The following LRRFIP2 variants were observed in gnomAD, a reference collection of about 807,000 sequenced individuals.
The protein encoded by LRRFIP2 is LRR binding FLII interacting protein 2.
Under a neutral mutation model 125.9 loss-of-function variants are expected in LRRFIP2, and 109 were observed. The observed-to-expected ratio is 0.87, with a 90% CI of 0.74 to 1.01. The LOEUF is 1.01. Among genes scored for constraint, LRRFIP2 ranks in the 50% least tolerant of loss-of-function variants. The pLI, the probability that LRRFIP2 is intolerant of heterozygous loss-of-function variation, is 0.00. For missense variants in LRRFIP2, 850 were observed against 862.3 expected (o/e 0.99, Z 0.18); for synonymous variants, 291 against 293.1 (o/e 0.99, Z 0.07).
intron 4 of LRRFIP2, among the ~76,000 whole-genome samples, chr3:37,124,650 CT>C (rs1433519654): frequency 1.3e-5 from 2 of 152,082 alleles, no homozygotes; most frequent in Admixed American, 6.5e-5. Flanking sequence ...GATCATAAAG[CT>C]GAGACCAGCA....
At chr3:37,065,078 T>C (rs539037067) in intron 23 of LRRFIP2, 2 of 154,976 alleles carry the variant, frequency 1.3e-5, no homozygotes, top group African/African-American at 2.4e-5. Flanking sequence ...CTTACACATA[T>C]ATGAAAACAA....
chr3:37,168,550 G>A (rs956972805), intron 1 of LRRFIP2, among the ~76,000 whole-genome samples: 2 of 152,206 alleles, frequency 1.3e-5, no homozygotes, highest in African/African-American at 4.8e-5. Context: ...AATGGGCAGA[G>A]CTTGTTTAGG....
chr3:37,130,818 A>G (rs2095409037), intron 2 of LRRFIP2, among the ~76,000 whole-genome samples: 1 of 152,216 alleles, frequency 6.6e-6, no homozygotes, highest in Admixed American at 6.5e-5. Flanking sequence ...GCCAAAGAGA[A>G]GCCACACAGT....
chr3:37,084,080 C>A (rs1024326176), intron 18 of LRRFIP2, among the ~76,000 whole-genome samples: 14 of 152,180 alleles, frequency 9.2e-5, no homozygotes, highest in African/African-American at 3.1e-4. Context: ...AGAATTGCAA[C>A]AACATATATC....
chr3:37,076,035 G>A (rs888480411), intron 19 of LRRFIP2, among the ~76,000 whole-genome samples: 3 of 152,022 alleles, frequency 2.0e-5, no homozygotes, highest in Admixed American at 6.6e-5. Context: ...CCACACACCA[G>A]GACAAATTCC....
intron 21 of LRRFIP2, among the ~76,000 whole-genome samples, chr3:37,069,843 A>C (rs561136995): frequency 6.6e-6 from 1 of 152,340 alleles, no homozygotes; most frequent in South Asian, 2.1e-4. Context: ...TATACTATAT[A>C]ATTCCATTTT....
At chr3:37,055,785 C>T (rs1005193832) in intron 25 of LRRFIP2, among the ~76,000 whole-genome samples, 1 of 152,162 alleles carries the variant, frequency 6.6e-6, no homozygotes, top group Admixed American at 6.5e-5. Context: ...CCTACCAACC[C>T]TGTGTGTAAC....
At chr3:37,102,766 T>C (rs1273350840) in intron 15 of LRRFIP2, among the ~76,000 whole-genome samples, 158 bp downstream of exon 15, 1 of 152,112 alleles carries the variant, frequency 6.6e-6, no homozygotes, top group Non-Finnish European at 1.5e-5. Flanking sequence ...TCTCTCAAAG[T>C]GCTGGGATTA....
chr3:37,056,009 T>C (rs1187056823), intron 25 of LRRFIP2, among the ~76,000 whole-genome samples: 1 of 152,240 alleles, frequency 6.6e-6, no homozygotes, highest in Non-Finnish European at 1.5e-5. Context: ...TATTTGCATT[T>C]TTATGACATT....
rs2089891105 is a variant in LRRFIP2 at position 37,065,291 on chromosome 3, G to GTAAA, written c.1699+518_1699+519insTTTA. 1.7e-5 allele frequency: 4 copies of GTAAA among 234,848 alleles called. No individual in the cohort carries two copies. In the South Asian group the frequency reaches 2.4e-4, roughly 14 times the overall value. The allele number at this position is 234,848 out of a possible 1,614,324, so 14.5% of individuals were successfully genotyped here. On this transcript the variant is annotated intron_variant, in intron 23 of 27. Transcript: ENST00000336686. ...GATTCTCAAAGGGTTAAATTTAAGA[G>GTAAA]GTTTAGACTTTAAGAGTCTGGGAAG...
chr3:37,156,045 T>C (rs1432463078), intron 1 of LRRFIP2, among the ~76,000 whole-genome samples: 1 of 152,082 alleles, frequency 6.6e-6, no homozygotes, highest in East Asian at 1.9e-4. Context: ...TGGCGAATTT[T>C]TGTATTTTTG....
intron 1 of LRRFIP2, among the ~76,000 whole-genome samples, chr3:37,164,058 A>AATGG (rs1332577265): frequency 6.6e-5 from 10 of 152,234 alleles, no homozygotes; most frequent in African/African-American, 2.4e-4. Context: ...TATAAGCTAG[A>AATGG]ATGGATGGAT....
At chr3:37,158,129 G>A (rs747059251) in intron 1 of LRRFIP2, among the ~76,000 whole-genome samples, 14 of 152,120 alleles carry the variant, frequency 9.2e-5, no homozygotes, top group Non-Finnish European at 1.9e-4. Context: ...CCCAAATTAG[G>A]AAGATAGACT....
At chr3:37,083,499 T>G (rs1576296670) in intron 19 of LRRFIP2, 137 bp downstream of exon 19, 1 of 531,332 alleles carries the variant, frequency 1.9e-6, no homozygotes, top group East Asian at 3.4e-5. Context: ...TATCTCATGG[T>G]GTTCTGTCAA....
At chr3:37,166,982 T>C (rs2096505170) in intron 1 of LRRFIP2, among the ~76,000 whole-genome samples, 1 of 150,422 alleles carries the variant, frequency 6.6e-6, no homozygotes, top group Non-Finnish European at 1.5e-5. Flanking sequence ...GCCATTGCAC[T>C]CCAGCCTGGG....
At chr3:37,070,981 C>CAT (rs112538605) in intron 21 of LRRFIP2, among the ~76,000 whole-genome samples, 60,532 of 151,836 alleles carry the variant, frequency 0.4, 12,631 homozygotes, top group Non-Finnish European at 0.46. Flanking sequence ...CTTTGCCCCA[C>CAT]GTTTTTTCAC....
chr3:37,054,908 G>C (rs2086379114), intron 26 of LRRFIP2, among the ~76,000 whole-genome samples, 178 bp downstream of exon 26: 1 of 152,104 alleles, frequency 6.6e-6, no homozygotes, highest in Admixed American at 6.5e-5. Context: ...GTTTCCTATG[G>C]TTTTAGAGAA....
At position 37,110,554 on chromosome 3, in the gene LRRFIP2, T is replaced by C. The variant is rs537334002; in HGVS notation, c.513+437A>G. Among the ~76,000 whole-genome samples, 138 of 152,342 alleles carry C rather than the reference T, an allele frequency of 9.1e-4. 1 individual carries two copies. The highest frequency in any genetic ancestry group is 4.6e-3 in the Admixed American group (71 of 15,304). The stretch of plus-strand genomic sequence containing the variant: ...CTCATGCCACGTGTTTACATTTTTA[T>C]ATGTAAGCTTTTTTAAAAGGGTACC... On this transcript the variant is annotated intron_variant, in intron 9 of 27. Transcript: ENST00000336686.
chr3:37,142,144 C>A (rs2095718949), intron 2 of LRRFIP2, among the ~76,000 whole-genome samples: 2 of 149,486 alleles, frequency 1.3e-5, no homozygotes, highest in Non-Finnish European at 3.0e-5. Flanking sequence ...CAACATTTTT[C>A]CTACTTTTTT....
Sources: allele counts gnomAD v4.1 joint callset (sites outside exome capture counted in the v4.1 genomes callset), GRCh38; gene constraint gnomAD v4.1.1; transcripts MANE v1.5; gene names NCBI Gene and HGNC (gene_info 2026-07-23, HGNC 2026-07-21).